CERS1: variants seen among roughly 807,000 people sequenced by gnomAD.
The protein encoded by CERS1 is ceramide synthase 1.
CERS1 carries 16 observed loss-of-function variants against 35.7 expected under a neutral mutation model. The observed-to-expected ratio is 0.45, with a 90% confidence interval of 0.30 to 0.68. The LOEUF is 0.68. CERS1 is among the 30% of genes least tolerant of loss of function. CERS1 has a pLI of 0.08. For missense variants in CERS1, 454 were observed against 453.9 expected, an observed-to-expected ratio of 1.00 and a Z score of 0.00; for synonymous variants, 243 against 201.6, an observed-to-expected ratio of 1.21 and a Z score of -1.74.
At position 18,869,038 on chromosome 19, in the gene CERS1, G is replaced by T; in HGVS notation, c.*947C>A. Reference sequence around the variant, plus strand: ...GCGAGGCCTCGGCCAGGCGCGCGCAGGCGGCAGGGGCCCGGGGGCGTAGCG... The same window carrying T: ...GCGAGGCCTCGGCCAGGCGCGCGCATGCGGCAGGGGCCCGGGGGCGTAGCG... On this transcript the variant is annotated 3_prime_UTR_variant, in exon 8 of 8. Transcript: ENST00000623882. The T allele has an allele frequency of 9.3e-7, 1 of 1,071,622 alleles. No homozygotes were observed. Among genetic ancestry groups the T allele is most frequent in the South Asian group, 4.3e-5 (1 of 23,124 alleles). The allele number at this position is 1,071,622 out of a possible 1,614,324, so 66.4% of individuals were successfully genotyped here.
intron 3 of CERS1, among the ~76,000 whole-genome samples, chr19:18,880,932 C>G (rs966514783): frequency 6.6e-6 from 1 of 152,182 alleles, no homozygotes; most frequent in Non-Finnish European, 1.5e-5. Context: ...CTCCTGGGCT[C>G]AAGCGATCTT....
intron 2 of CERS1, 123 bp from the exon 3 acceptor site, chr19:18,884,390 G>C: frequency 1.2e-6 from 1 of 856,810 alleles, no homozygotes; most frequent in East Asian, 2.7e-5. Flanking sequence ...ATGCGTGTCT[G>C]ACTGCTGGCT....
intron 2 of CERS1, among the ~76,000 whole-genome samples, chr19:18,890,023 C>T (rs1041417925): frequency 6.6e-6 from 1 of 152,234 alleles, no homozygotes; most frequent in Non-Finnish European, 1.5e-5. Context: ...TCAGCCCCCT[C>T]CTGGACCCCT....
chr19:18,869,326 G>A lies in CERS1; in HGVS notation c.*659C>T, dbSNP rs2055917100. The A allele has an allele frequency of 2.6e-6, 4 of 1,527,288 alleles. No individual in the cohort carries two copies. The highest frequency in any genetic ancestry group is 2.5e-5 in the East Asian group (1 of 39,644). 94.6% of individuals were successfully genotyped at this position (1,527,288 alleles called of 1,614,324 possible). ...CGGGTTCCACAGCCGACAGGTCGAA[G>A]ACGACTGTCCACTCAGGGCAATGCC... On this transcript the variant is annotated 3_prime_UTR_variant, in exon 8 of 8. Coordinates refer to ENST00000623882, the MANE Select transcript of CERS1 (RefSeq NM_021267.5).
intron 1 of CERS1, among the ~76,000 whole-genome samples, chr19:18,894,121 G>A (rs2056566086): frequency 6.6e-6 from 1 of 151,724 alleles, no homozygotes; most frequent in African/African-American, 2.4e-5. Flanking sequence ...TGAAAGGGGA[G>A]GAGGGGCTGG....
rs2055940436 is a variant in CERS1 at position 18,870,147 on chromosome 19, C to G, written c.*430G>C. 1 of 1,563,274 alleles carries G rather than the reference C, an allele frequency of 6.4e-7. No individual in the cohort carries two copies. The highest frequency in any genetic ancestry group is 1.8e-5 in the Admixed American group (1 of 54,660). On this transcript the variant is annotated 3_prime_UTR_variant, in exon 7 of 8. Coordinates refer to ENST00000623882, the MANE Select transcript of CERS1 (RefSeq NM_021267.5). This position sits in a 1 kb window ranked among gnomAD's most constrained non-coding sequence, Gnocchi z 5.1. ...CATGACCGGGGGAACCGGCCGGAGC[C>G]TGGGGGCACCCTGGGGCTCATCGCG...
intron 4 of CERS1, 134 bp downstream of exon 4, chr19:18,880,140 C>G: frequency 2.3e-6 from 2 of 864,324 alleles, no homozygotes; most frequent in South Asian, 1.8e-5. Context: ...AATCATGAGG[C>G]CCCTCCCCTG....
At chr19:18,871,468 C>T (rs1357616486) in intron 6 of CERS1, among the ~76,000 whole-genome samples, 1 of 152,150 alleles carries the variant, frequency 6.6e-6, no homozygotes, top group Non-Finnish European at 1.5e-5. Flanking sequence ...GTGATCCGCC[C>T]ACCTTGGCCT....
chr19:18,887,808 G>T (rs2056397882), intron 2 of CERS1, among the ~76,000 whole-genome samples: 1 of 151,084 alleles, frequency 6.6e-6, no homozygotes, highest in African/African-American at 2.4e-5. Flanking sequence ...TAAGCCATTT[G>T]TTAAGTACAC....
At chr19:18,884,508 A>C (rs535872903) in intron 2 of CERS1, among the ~76,000 whole-genome samples, 1 of 151,684 alleles carries the variant, frequency 6.6e-6, no homozygotes, top group African/African-American at 2.4e-5. Context: ...CCTGGGTTCA[A>C]ACGATTCTCC....
Position 18,870,496 on chromosome 19 carries a change from G to T in CERS1, c.*81C>A. ...GCCCTAGAGGAGCAGAGTTGGAGGG[G>T]GTGGAGGGGCGGCCAAGGACGGGGA... is the stretch of plus-strand genomic sequence containing the variant. On this transcript the variant is annotated 3_prime_UTR_variant, in exon 7 of 8. Coordinates refer to ENST00000623882, the MANE Select transcript of CERS1 (RefSeq NM_021267.5). This position sits in a 1 kb window ranked among gnomAD's most constrained non-coding sequence, Gnocchi z 5.1. 1 of 555,332 alleles carries T rather than the reference G, an allele frequency of 1.8e-6. No homozygotes were observed. Among genetic ancestry groups the T allele is most frequent in the Admixed American group, 3.6e-5 (1 of 27,422 alleles). 34.4% of individuals were successfully genotyped at this position (555,332 alleles called of 1,614,324 possible). A position where few individuals can be genotyped will look rare whatever the true frequency, so the allele number is the denominator to read the frequency against.
chr19:18,873,841 G>GA (rs35266368), intron 6 of CERS1, among the ~76,000 whole-genome samples: 4,762 of 116,654 alleles, frequency 0.041, 100 homozygotes, highest in East Asian at 0.11. Flanking sequence ...ACTCTGTCTC[G>GA]AAAAAAAAAA....
At chr19:18,886,203 C>T (rs1444305547) in intron 2 of CERS1, among the ~76,000 whole-genome samples, 4 of 150,836 alleles carry the variant, frequency 2.7e-5, no homozygotes, top group African/African-American at 5.0e-5. Context: ...TCCAGGAGTT[C>T]GAGACCAGCC....
At chr19:18,879,158 C>A in intron 5 of CERS1, 83 bp downstream of exon 5, 1 of 1,597,404 alleles carries the variant, frequency 6.3e-7, no homozygotes. Context: ...TAACGTGCCC[C>A]TCCCCGGGAC....
At chr19:18,875,272 G>A (rs1248814733) in intron 6 of CERS1, among the ~76,000 whole-genome samples, 1 of 150,826 alleles carries the variant, frequency 6.6e-6, no homozygotes, top group Non-Finnish European at 1.5e-5. Context: ...CAGGCTGGGC[G>A]CGGTGGCTCA....
chr19:18,872,251 T>C (rs969534125), intron 6 of CERS1, among the ~76,000 whole-genome samples: 8 of 152,264 alleles, frequency 5.3e-5, no homozygotes, highest in Non-Finnish European at 1.2e-4. Context: ...AAGTGTTCTC[T>C]ACCCACTCAG....
rs1356509629 is a variant in CERS1, at chr19:18,869,275, C to T, written c.*710G>A. 4 of 1,492,524 alleles carry T rather than the reference C, an allele frequency of 2.7e-6. No homozygotes were observed. The highest frequency in any genetic ancestry group is 2.8e-5 in the East Asian group (1 of 35,262). 92.5% of individuals were successfully genotyped at this position (1,492,524 alleles called of 1,614,324 possible). On this transcript the variant is annotated 3_prime_UTR_variant, in exon 8 of 8. Coordinates refer to ENST00000623882, the MANE Select transcript of CERS1 (RefSeq NM_021267.5). ...CCGCCGCCGCCGCGAAACGCAGCTC[C>T]AGGCGGGCCCGGCTCGGGCGCTCAG...
chr19:18,884,119 A>C lies in CERS1; in HGVS notation c.558T>G (p.Thr186=). 1 of 1,613,512 alleles carries C rather than the reference A, an allele frequency of 6.2e-7. No homozygotes were observed. Among genetic ancestry groups the C allele is most frequent in the South Asian group, 1.1e-5 (1 of 90,998 alleles). ...SVVMLLHHVV[T]LILIVSSYAF... is the part of the protein sequence containing the mutation. Reference sequence around the variant, plus strand: ...CGTAGGAGGAGACGATGAGGATGAGAGTGACCACGTGGTGGAGCAGCATGA... The same window carrying C: ...CGTAGGAGGAGACGATGAGGATGAGCGTGACCACGTGGTGGAGCAGCATGA... Residue 186 remains threonine, a synonymous_variant, in exon 3 of 8, where the codon ACT becomes ACG. Coordinates refer to ENST00000623882, the MANE Select transcript of CERS1 (RefSeq NM_021267.5).
At chr19:18,869,857 G>T (rs2055932510) in intron 7 of CERS1, 126 bp downstream of exon 7, 3 of 900,390 alleles carry the variant, frequency 3.3e-6, no homozygotes, top group Non-Finnish European at 5.3e-6. Flanking sequence ...GGCCGAAGTT[G>T]CTAGTAGCCT....
Sources: gnomAD v4.1 joint callset for allele counts (sites outside exome capture counted in the v4.1 genomes callset) on GRCh38, gnomAD v4.1.1 for gene constraint, Gnocchi (gnomAD v3.1) non-coding constraint, MANE v1.5 for transcripts, NCBI Gene and HGNC (gene_info 2026-07-23, HGNC 2026-07-21) for gene names.